The following PI4KA variants were observed in gnomAD, a reference collection of about 807,000 sequenced individuals.
PI4KA encodes phosphatidylinositol 4-kinase alpha, also known as PI4-kinase alpha.
PI4KA carries 122 observed loss-of-function variants against 271.4 expected under a neutral mutation model. The observed-to-expected ratio is 0.45, with a 90% confidence interval of 0.39 to 0.52. The LOEUF (loss-of-function observed/expected upper bound fraction) is 0.52, where lower values mean the gene tolerates loss of function less well. PI4KA is among the 20% of genes least tolerant of loss of function. The pLI is 0.00. For synonymous variants in PI4KA, 1,041 were observed against 1,078.8 expected (o/e 0.96, Z 0.69); for missense variants, 1,969 against 2,769.1 (o/e 0.71, Z 6.48).
intron 44 of PI4KA, among the ~76,000 whole-genome samples, chr22:20,718,116 C>T (rs919749217): frequency 6.6e-6 from 1 of 152,196 alleles, no homozygotes; most frequent in South Asian, 2.1e-4. Flanking sequence ...AAGCTGCCAG[C>T]ACTGCTATTC....
Position 20,734,681 on chromosome 22 carries a change from G to T in PI4KA, c.3742-128C>A, listed in dbSNP as rs200460509. On this transcript the variant is annotated intron_variant, in intron 32 of 54. Transcript: ENST00000255882. ...ATTTAGAAACCAAGAAAAGTATGAA[G>T]AAAAAAATGAAGATCGCCTATAGTC... is the stretch of plus-strand genomic sequence containing the variant. 145 of 1,027,700 alleles carry T rather than the reference G, an allele frequency of 1.4e-4. 1 individual carries two copies. The East Asian group carries it at 3.2e-3, about 23-fold the overall frequency. The allele number at this position is 1,027,700 out of a possible 1,614,324, so 63.7% of individuals were successfully genotyped here.
intron 27 of PI4KA, among the ~76,000 whole-genome samples, chr22:20,750,528 ACACT>A (rs1601403586): frequency 6.6e-6 from 1 of 152,266 alleles, no homozygotes; most frequent in East Asian, 1.9e-4. Flanking sequence ...AAGCCCACAC[ACACT>A]ATGATCTGTA....
intron 36 of PI4KA, 125 bp downstream of exon 36, chr22:20,732,846 C>T: frequency 9.3e-7 from 1 of 1,073,028 alleles, no homozygotes. Flanking sequence ...GCAACACAGC[C>T]AAGGCCAGGG....
chr22:20,709,976 G>A lies in PI4KA; in HGVS notation c.6105C>T (p.Val2035=). 1.9e-6 allele frequency: 3 copies of A among 1,613,620 alleles called. No individual in the cohort carries two copies. The highest frequency in any genetic ancestry group is 2.5e-6 in the Non-Finnish European group (3 of 1,179,570). The change falls in exon 53 of 55, where the codon GTC becomes GTT. Residue 2035 remains valine (V), a synonymous_variant. Transcript: ENST00000255882. ...TGTCCAACATGAGAGTGACCAGGGA[G>A]ACGACCGCGTCCATGTAGGGCCTGG... ...LAVRPYMDAV[V]SLVTLMLDTG... is the part of the protein sequence containing the mutation.
intron 4 of PI4KA, among the ~76,000 whole-genome samples, chr22:20,823,893 T>C (rs1338520077): frequency 2.6e-5 from 4 of 152,046 alleles, no homozygotes; most frequent in Admixed American, 1.3e-4. Context: ...TGAGCCAAGA[T>C]TGCACCACTG....
At chr22:20,804,667 A>C (rs1211056347) in intron 11 of PI4KA, among the ~76,000 whole-genome samples, 2 of 152,190 alleles carry the variant, frequency 1.3e-5, no homozygotes, top group Non-Finnish European at 2.9e-5. Context: ...GAAGGCACTG[A>C]GCTTCCATGT....
chr22:20,786,587 C>T (rs532126904), intron 19 of PI4KA, among the ~76,000 whole-genome samples: 10 of 152,306 alleles, frequency 6.6e-5, no homozygotes, highest in Admixed American at 3.3e-4. Flanking sequence ...CGGAGAAGTG[C>T]GCAGCAGTGT....
chr22:20,841,991 G>A (rs1258901558), intron 1 of PI4KA, among the ~76,000 whole-genome samples: 1 of 152,110 alleles, frequency 6.6e-6, no homozygotes, highest in African/African-American at 2.4e-5. Context: ...TGAAGTGGGT[G>A]GATCACCTGA....
intron 7 of PI4KA, among the ~76,000 whole-genome samples, chr22:20,814,436 TA>T (rs1180737073): frequency 6.6e-6 from 1 of 152,132 alleles, no homozygotes; most frequent in Non-Finnish European, 1.5e-5. Context: ...ATGTATTCAA[TA>T]CTACTAAACT....
At chr22:20,744,851 T>C (rs1218833662) in intron 29 of PI4KA, 131 bp from the exon 30 acceptor site, 9 of 582,356 alleles carry the variant, frequency 1.5e-5, no homozygotes, top group Non-Finnish European at 2.6e-5. Flanking sequence ...AAATCTTCAC[T>C]GCTGGCAAGT....
chr22:20,765,543 C>T (rs1169189734), intron 20 of PI4KA, 42 bp downstream of exon 20: 1 of 1,352,086 alleles, frequency 7.4e-7, no homozygotes, highest in Non-Finnish European at 1.1e-6. Context: ...TTTACCTTCA[C>T]TCTGCACTCC....
intron 42 of PI4KA, among the ~76,000 whole-genome samples, chr22:20,723,735 G>A (rs1040002543): frequency 2.0e-5 from 3 of 152,044 alleles, no homozygotes; most frequent in African/African-American, 7.2e-5. Flanking sequence ...GGAGGCTGGG[G>A]CAGGAAAATC....
At position 20,765,577 on chromosome 22, in the gene PI4KA, C is replaced by T; in HGVS notation, c.2437+8G>A. 2 of 1,557,428 alleles carry T rather than the reference C, an allele frequency of 1.3e-6. No individual in the cohort carries two copies. The highest frequency in any genetic ancestry group is 4.5e-5 in the East Asian group (2 of 44,042). On this transcript the variant is annotated splice_region_variant and intron_variant, in intron 20 of 54. Transcript: ENST00000255882. ...CCGTCTTCACTGGGAGAGAGATGAT[C>T]CCCCTACCTGAGCCCTCCACAGCGA...
At chr22:20,763,700 A>G (rs1932234884) in intron 22 of PI4KA, among the ~76,000 whole-genome samples, 4 of 152,138 alleles carry the variant, frequency 2.6e-5, no homozygotes, top group African/African-American at 7.2e-5. Context: ...TTGGCCTCCT[A>G]AAGTGCTGGG....
chr22:20,769,416 T>A (rs1932777461), intron 19 of PI4KA, among the ~76,000 whole-genome samples: 1 of 152,158 alleles, frequency 6.6e-6, no homozygotes, highest in African/African-American at 2.4e-5. Context: ...ACGCCTGTAA[T>A]CCCAGCACTT....
chr22:20,858,187 G>A (rs1280008724), intron 1 of PI4KA, among the ~76,000 whole-genome samples: 1 of 152,146 alleles, frequency 6.6e-6, no homozygotes, highest in Non-Finnish European at 1.5e-5. Context: ...GGTGAAATCG[G>A]AAGCAGAACC....
intron 35 of PI4KA, among the ~76,000 whole-genome samples, chr22:20,733,387 A>G (rs1051972528): frequency 2.0e-5 from 3 of 149,286 alleles, no homozygotes; most frequent in African/African-American, 7.5e-5. Context: ...ACAACAGCAC[A>G]GCCTATGGGT....
At chr22:20,852,722 C>A (rs1334941082) in intron 1 of PI4KA, among the ~76,000 whole-genome samples, 3 of 152,064 alleles carry the variant, frequency 2.0e-5, no homozygotes, top group South Asian at 2.1e-4. Context: ...ATAGGAAATT[C>A]TTGGCTTCAT....
At chr22:20,727,923 C>T in intron 39 of PI4KA, 59 bp from the exon 40 acceptor site, 1 of 1,312,372 alleles carries the variant, frequency 7.6e-7, no homozygotes, top group South Asian at 1.2e-5. Context: ...CACTCTCCCA[C>T]CACACTGGAG....
Sources: gnomAD v4.1 joint callset for allele counts (sites outside exome capture counted in the v4.1 genomes callset) on GRCh38, gnomAD v4.1.1 for gene constraint, MANE v1.5 for transcripts, NCBI Gene and HGNC (gene_info 2026-07-23, HGNC 2026-07-21) for gene names.